Variants in FANK1 observed in about 807,000 individuals in gnomAD.
FANK1 encodes the protein fibronectin type III and ankyrin repeat domains 1, also known as fibronectin type 3 and ankyrin repeat domains protein 1.
A neutral mutation model predicts 45.3 loss-of-function variants in FANK1; 44 were observed. The observed-to-expected ratio is 0.97, with a 90% CI of 0.76 to 1.25. FANK1 has a LOEUF of 1.25. Ranked by LOEUF, FANK1 falls within the 50% of genes most tolerant of loss-of-function variation. FANK1 has a pLI of 0.00. For missense variants in FANK1, 391 were observed against 424.4 expected, an observed-to-expected ratio of 0.92 and a Z score of 0.69; for synonymous variants, 149 against 152.5, an observed-to-expected ratio of 0.98 and a Z score of 0.17.
chr10:125,951,236 TAAA>T (rs71029275), intron 1 of FANK1, among the ~76,000 whole-genome samples: 3 of 131,646 alleles, frequency 2.3e-5, no homozygotes, highest in Admixed American at 7.3e-5. Flanking sequence ...ACTTAAAGTA[TAAA>T]AAAAAAAAAA....
chr10:125,950,730 A>T (rs1245575545), intron 1 of FANK1, among the ~76,000 whole-genome samples: 1 of 151,718 alleles, frequency 6.6e-6, no homozygotes, highest in Non-Finnish European at 1.5e-5. Context: ...TGACCCAGCC[A>T]TCCCATTACT....
chr10:125,995,020 CT>C (rs11455539), intron 3 of FANK1: 7,119 of 666,120 alleles, frequency 0.011, 1 homozygote, highest in Middle Eastern at 0.021. Flanking sequence ...AGCACTTTGT[CT>C]TTTTTTTTTT....
chr10:125,983,799 C>T lies in FANK1; in HGVS notation c.191+3461C>T, dbSNP rs1215598700. ...GAACTCTGGCTTACTCTGAGAGAGG[C>T]GGGGAAAGCCACTGGAGATTGTGAA... is the stretch of plus-strand genomic sequence containing the variant. On this transcript the variant is annotated intron_variant, in intron 2 of 10. Transcript: ENST00000368693. The surrounding 1 kb of genome is among the most constrained non-coding windows in gnomAD (Gnocchi z 4.3). Among the ~76,000 whole-genome samples the T allele has an allele frequency of 1.3e-5, 2 of 152,034 alleles. No homozygotes were observed. Among genetic ancestry groups the T allele is most frequent in the Non-Finnish European group, 2.9e-5 (2 of 68,008 alleles).
chr10:126,007,121 A>C (rs1231506518), intron 7 of FANK1: 1 of 152,216 alleles, frequency 6.6e-6, no homozygotes, highest in Non-Finnish European at 1.5e-5. Context: ...CAGGTGGCTC[A>C]CCTGATGCTT....
chr10:125,947,624 G>C (rs1388817773), intron 1 of FANK1, among the ~76,000 whole-genome samples: 1 of 151,566 alleles, frequency 6.6e-6, no homozygotes, highest in Non-Finnish European at 1.5e-5. Flanking sequence ...CAAGTCCTGA[G>C]TGACCTACAA....
intron 1 of FANK1, among the ~76,000 whole-genome samples, chr10:125,922,227 GA>G (rs1281082459): frequency 1.3e-5 from 2 of 152,162 alleles, no homozygotes; most frequent in African/African-American, 4.8e-5. Context: ...GGATGTTCTA[GA>G]AATGTTCTAG....
chr10:125,993,793 T>TAA (rs534621604), intron 3 of FANK1, among the ~76,000 whole-genome samples: 1 of 152,144 alleles, frequency 6.6e-6, no homozygotes, highest in African/African-American at 2.4e-5. Context: ...ATAATGTAGC[T>TAA]AAAAAAAGTC....
chr10:125,989,211 C>A, intron 3 of FANK1: 1 of 1,430,122 alleles, frequency 7.0e-7, no homozygotes, highest in Non-Finnish European at 9.5e-7. Context: ...GCCCTTCAGC[C>A]GGCTGAGTTT....
intron 1 of FANK1, among the ~76,000 whole-genome samples, chr10:125,921,385 C>T (rs1275127521): frequency 1.3e-5 from 2 of 152,030 alleles, no homozygotes; most frequent in Non-Finnish European, 2.9e-5. Context: ...AATAGTAATC[C>T]ATTGTATAAA....
At chr10:125,903,089 G>A (rs201875869) in intron 1 of FANK1, among the ~76,000 whole-genome samples, 6 of 152,420 alleles carry the variant, frequency 3.9e-5, no homozygotes, top group Non-Finnish European at 7.3e-5. Context: ...GCTTGAAGCC[G>A]TGTCTTTCCC....
chr10:125,913,669 A>G (rs1219722279), intron 1 of FANK1, among the ~76,000 whole-genome samples: 1 of 152,142 alleles, frequency 6.6e-6, no homozygotes, highest in African/African-American at 2.4e-5. Flanking sequence ...GGCAGCATGG[A>G]TGGGTATTGG....
At chr10:125,949,417 A>G (rs2134164061) in intron 1 of FANK1, among the ~76,000 whole-genome samples, 1 of 152,304 alleles carries the variant, frequency 6.6e-6, no homozygotes, top group Admixed American at 6.5e-5. Context: ...CAACTTCAGC[A>G]AAGTCTCAGG....
At chr10:125,918,295 C>T (rs1319992284) in intron 1 of FANK1, among the ~76,000 whole-genome samples, 3 of 151,894 alleles carry the variant, frequency 2.0e-5, no homozygotes, top group Admixed American at 6.6e-5. Context: ...CAGTGGCTCA[C>T]GCCTGTAATC....
intron 6 of FANK1, 57 bp from the exon 7 acceptor site, chr10:126,004,821 AAGGTGG>A (rs1953056879): frequency 2.7e-5 from 43 of 1,566,994 alleles, no homozygotes; most frequent in Non-Finnish European, 3.7e-5. Flanking sequence ...GGTAGGGTAA[AAGGTGG>A]AGCTGAGTTT....
chr10:125,944,342 T>G (rs889733526), intron 1 of FANK1, among the ~76,000 whole-genome samples: 2 of 152,232 alleles, frequency 1.3e-5, no homozygotes, highest in African/African-American at 4.8e-5. Flanking sequence ...CCTTCTACCT[T>G]TATAGTTTTC....
chr10:125,963,219 G>GGT (rs932302713), intron 1 of FANK1, among the ~76,000 whole-genome samples: 1 of 152,154 alleles, frequency 6.6e-6, no homozygotes, highest in African/African-American at 2.4e-5. Flanking sequence ...CCTGACCTCA[G>GGT]GTGATCCACC....
chr10:125,924,732 A>C (rs7895526), intron 1 of FANK1, among the ~76,000 whole-genome samples: 576 of 132,974 alleles, frequency 4.3e-3, no homozygotes, highest in South Asian at 8.0e-3. Context: ...TCACTTGAGC[A>C]CAGGAGGTGG....
chr10:125,975,005 G>A (rs1049011363), intron 1 of FANK1: 8 of 151,960 alleles, frequency 5.3e-5, no homozygotes, highest in African/African-American at 1.2e-4. Flanking sequence ...TCACCCTCCC[G>A]CTTCAGGTAG....
At chr10:125,914,168 T>A (rs1298333337) in intron 1 of FANK1, among the ~76,000 whole-genome samples, 1 of 152,060 alleles carries the variant, frequency 6.6e-6, no homozygotes, top group Non-Finnish European at 1.5e-5. Flanking sequence ...GACATTAGAT[T>A]TTTTAAACAT....
Sources: allele counts gnomAD v4.1 joint callset (sites outside exome capture counted in the v4.1 genomes callset), GRCh38; gene constraint gnomAD v4.1.1; non-coding constraint Gnocchi (gnomAD v3.1); transcripts MANE v1.5; gene names NCBI Gene and HGNC (gene_info 2026-07-23, HGNC 2026-07-21).